NSUN6: variants seen among roughly 807,000 people sequenced by gnomAD.
NSUN6 encodes NOP2/Sun RNA methyltransferase 6, also known as tRNA (cytosine(72)-C(5))-methyltransferase NSUN6.
Under a neutral mutation model 58.0 loss-of-function variants are expected in NSUN6, and 64 were observed. The observed-to-expected ratio is 1.10, with a 90% CI of 0.90 to 1.36. The LOEUF (loss-of-function observed/expected upper bound fraction) is 1.36. Ranked by LOEUF, NSUN6 falls within the 40% of genes most tolerant of loss-of-function variation. NSUN6 has a pLI of 0.00. For synonymous variants in NSUN6, 231 were observed against 193.9 expected (o/e 1.19, Z -1.59); for missense variants, 701 against 550.1 (o/e 1.27, Z -2.74).
At chr10:18,553,482 TGGAATGGAATGG>T (rs1409046185) in intron 8 of NSUN6, among the ~76,000 whole-genome samples, 1 of 131,080 alleles carries the variant, frequency 7.6e-6, no homozygotes, top group Admixed American at 7.4e-5. Flanking sequence ...GAATGGAGAA[TGGAATGGAATGG>T]AGAATGGAAT....
chr10:18,648,278 C>A (rs573254800), intron 2 of NSUN6, among the ~76,000 whole-genome samples: 2 of 152,248 alleles, frequency 1.3e-5, no homozygotes, highest in South Asian at 4.1e-4. Context: ...CTATTTTAGT[C>A]ACCAAAAATG....
chr10:18,620,745 T>G (rs1284459716), intron 3 of NSUN6, among the ~76,000 whole-genome samples: 1 of 152,252 alleles, frequency 6.6e-6, no homozygotes, highest in Non-Finnish European at 1.5e-5. Context: ...GCATTTAATT[T>G]ATACTTCTAC....
At position 18,614,494 on chromosome 10, in the gene NSUN6, G is replaced by A. The variant is rs775368041; in HGVS notation, c.541C>T (p.Arg181Cys). 1.4e-5 allele frequency: 21 copies of A among 1,553,506 alleles called. No individual in the cohort carries two copies. Among genetic ancestry groups the A allele is most frequent in the South Asian group, 7.4e-5 (6 of 81,194 alleles). ...GGTAATCCACTGAAGATTTCTTTGC[G>A]GCTTAGTTCAGAAATCCCATTTCCA... is the stretch of plus-strand genomic sequence containing the variant. ...FLGNGISELS[R>C]KEIFSGLPEL... The change falls in exon 5 of 11, where the codon CGC becomes TGC. Residue 181 changes from arginine to cysteine, a missense_variant. Arg to Cys is a radical substitution (Grantham distance 180). Coordinates refer to ENST00000377304, the MANE Select transcript of NSUN6 (RefSeq NM_182543.5).
chr10:18,548,651 C>T (rs2054430490), intron 9 of NSUN6, among the ~76,000 whole-genome samples: 1 of 152,154 alleles, frequency 6.6e-6, no homozygotes, highest in South Asian at 2.1e-4. Context: ...GTTGCCCAGT[C>T]TTGTCTTACA....
chr10:18,550,252 G>T (rs1010969154), intron 9 of NSUN6, among the ~76,000 whole-genome samples: 9 of 152,320 alleles, frequency 5.9e-5, no homozygotes, highest in African/African-American at 2.2e-4. Context: ...GGTTTCGGCT[G>T]TAACTAAAGT....
At chr10:18,655,583 C>CT (rs915471182), upstream of NSUN6, among the ~76,000 whole-genome samples, 2 of 152,062 alleles carry the variant, frequency 1.3e-5, no homozygotes, top group Admixed American at 1.3e-4. Flanking sequence ...ACTTTTCTAT[C>CT]TAAGGGAGGA....
At chr10:18,569,974 C>A (rs957758939) in intron 8 of NSUN6, among the ~76,000 whole-genome samples, 5 of 149,876 alleles carry the variant, frequency 3.3e-5, no homozygotes, top group African/African-American at 1.2e-4. Context: ...CATTACATTC[C>A]CCATTCCATT....
At chr10:18,635,624 T>C (rs1391355996) in intron 3 of NSUN6, among the ~76,000 whole-genome samples, 5 of 151,720 alleles carry the variant, frequency 3.3e-5, no homozygotes, top group Non-Finnish European at 5.9e-5. Flanking sequence ...ATCACCTGAG[T>C]TCAGGATTTC....
intron 3 of NSUN6, among the ~76,000 whole-genome samples, chr10:18,618,599 T>C (rs939134601): frequency 2.6e-5 from 4 of 151,368 alleles, no homozygotes; most frequent in Non-Finnish European, 4.4e-5. Flanking sequence ...GGAGAATCAC[T>C]TGAACCCAGG....
intron 8 of NSUN6, among the ~76,000 whole-genome samples, chr10:18,560,019 A>T (rs2055363417): frequency 6.6e-6 from 1 of 151,312 alleles, no homozygotes; most frequent in Admixed American, 6.6e-5. Flanking sequence ...TGGAGAATGG[A>T]ATGGAATGGA....
chr10:18,565,847 C>T (rs1246900708), intron 8 of NSUN6, among the ~76,000 whole-genome samples: 5 of 151,006 alleles, frequency 3.3e-5, no homozygotes, highest in Non-Finnish European at 7.4e-5. Context: ...TTGTCCATTC[C>T]ATTCTATTCT....
intron 6 of NSUN6, among the ~76,000 whole-genome samples, chr10:18,608,557 T>C (rs1454510830): frequency 1.3e-5 from 2 of 149,324 alleles, no homozygotes; most frequent in Non-Finnish European, 1.5e-5. Context: ...GAGGATCACC[T>C]GAGCCTGGGA....
At chr10:18,652,212 C>T, upstream of NSUN6, 1 of 985,004 alleles carries the variant, frequency 1.0e-6, no homozygotes, top group Non-Finnish European at 1.2e-6. Context: ...AAGACCCTCG[C>T]CATTATTTTT....
intron 3 of NSUN6, among the ~76,000 whole-genome samples, chr10:18,624,001 G>A (rs1025939952): frequency 1.3e-5 from 2 of 152,030 alleles, no homozygotes; most frequent in Non-Finnish European, 2.9e-5. Flanking sequence ...TGCATGATAA[G>A]CAGAAATAAT....
At position 18,548,235 on chromosome 10, in the gene NSUN6, C is replaced by A; in HGVS notation, c.1074G>T (p.Ala358=). The A allele has an allele frequency of 1.2e-6, 2 of 1,611,622 alleles. No homozygotes were observed. The highest frequency in any genetic ancestry group is 1.7e-6 in the Non-Finnish European group (2 of 1,178,638). The change falls in exon 10 of 11, where the codon GCG becomes GCT. Residue 358 remains alanine, a splice_region_variant and synonymous_variant. Transcript: ENST00000377304. ...CACCCTCTGGCTTCAGCAGCTGAAC[C>A]GCCTAAAGAAAACTGTGATCAGACC... is the stretch of plus-strand genomic sequence containing the variant. ...QPLQRKLFTA[A]VQLLKPEGVL...
intron 3 of NSUN6, among the ~76,000 whole-genome samples, chr10:18,627,832 G>A (rs2058875237): frequency 6.6e-6 from 1 of 152,238 alleles, no homozygotes; most frequent in South Asian, 2.1e-4. Context: ...GGCTGGGGGA[G>A]GGGCGCCAGC....
upstream of NSUN6, chr10:18,652,880 T>C (rs749866668): frequency 4.1e-6 from 4 of 983,376 alleles, no homozygotes; most frequent in East Asian, 2.3e-4. Flanking sequence ...TTTTAAAGAG[T>C]AAATCAAGGT....
intron 7 of NSUN6, among the ~76,000 whole-genome samples, chr10:18,595,919 G>A (rs988101490): frequency 6.6e-6 from 1 of 152,056 alleles, no homozygotes; most frequent in South Asian, 2.1e-4. Context: ...AAACAACTAT[G>A]AAATCTTATA....
At chr10:18,584,334 T>A (rs1221743963) in intron 8 of NSUN6, among the ~76,000 whole-genome samples, 13 of 152,198 alleles carry the variant, frequency 8.5e-5, no homozygotes, top group Admixed American at 8.5e-4. Context: ...GCTCCAAAGG[T>A]GAAGCAGCAC....
Sources: allele counts gnomAD v4.1 joint callset (sites outside exome capture counted in the v4.1 genomes callset), GRCh38; gene constraint gnomAD v4.1.1; transcripts MANE v1.5; gene names NCBI Gene and HGNC (gene_info 2026-07-23, HGNC 2026-07-21).